The following CDH8 variants were observed in gnomAD, a reference collection of about 807,000 sequenced individuals.
The protein encoded by CDH8 is cadherin-8.
In CDH8, 17 loss-of-function variants were observed where a neutral mutation model predicts 68.1. That is an observed-to-expected ratio of 0.25 (90% confidence interval 0.17 to 0.37). CDH8 has a LOEUF of 0.37. Among genes scored for constraint, CDH8 ranks in the 10% least tolerant of loss-of-function variants. The pLI, the probability that CDH8 is intolerant of heterozygous loss-of-function variation, is 1.00. For missense variants in CDH8, 763 were observed against 999.3 expected, an observed-to-expected ratio of 0.76 and a Z score of 3.19; for synonymous variants, 372 against 365.1, an observed-to-expected ratio of 1.02 and a Z score of -0.21.
At chr16:61,823,250 T>C (rs536642714) in intron 5 of CDH8, among the ~76,000 whole-genome samples, 1 of 151,974 alleles carries the variant, frequency 6.6e-6, no homozygotes, top group African/African-American at 2.4e-5. Flanking sequence ...AAATGTGTCA[T>C]TTTCAAGCTC....
At chr16:62,033,587 T>C (rs1227812913) in intron 1 of CDH8, among the ~76,000 whole-genome samples, 1 of 152,224 alleles carries the variant, frequency 6.6e-6, no homozygotes, top group Non-Finnish European at 1.5e-5. Context: ...TAATTAGTAA[T>C]GTAAGAACCA....
In CDH8 at chr16:62,021,173, A is replaced by T; in HGVS notation, c.231T>A (p.Pro77=). 1 of 1,613,986 alleles carries T rather than the reference A, an allele frequency of 6.2e-7. No homozygotes were observed. Among genetic ancestry groups the T allele is most frequent in the Non-Finnish European group, 8.5e-7 (1 of 1,179,906 alleles). ...QMFVLEEFSG[P]EPILVGRLHT... Reference sequence around the variant, plus strand: ...TTACCCGGCCAACAAGAATCGGTTCAGGTCCAGAAAACTCTTCCAGGACAA... The same window carrying T: ...TTACCCGGCCAACAAGAATCGGTTCTGGTCCAGAAAACTCTTCCAGGACAA... Residue 77 remains proline (P), a synonymous_variant, in exon 2 of 12, where the codon CCT becomes CCA. Transcript: ENST00000577390.
intron 2 of CDH8, among the ~76,000 whole-genome samples, chr16:61,945,175 T>C (rs1371723374): frequency 6.6e-6 from 1 of 152,146 alleles, no homozygotes; most frequent in African/African-American, 2.4e-5. Flanking sequence ...TTCTTAAACT[T>C]TTGGAGACTT....
At chr16:61,696,785 T>C (rs775651537) in intron 10 of CDH8, among the ~76,000 whole-genome samples, 2 of 152,196 alleles carry the variant, frequency 1.3e-5, no homozygotes, top group Non-Finnish European at 2.9e-5. Flanking sequence ...TCATGTCCTT[T>C]GCAGAAACGT....
chr16:61,767,208 T>C (rs1057215316), intron 8 of CDH8, among the ~76,000 whole-genome samples: 2 of 152,022 alleles, frequency 1.3e-5, no homozygotes, highest in Non-Finnish European at 1.5e-5. Flanking sequence ...ATGGTGATTT[T>C]CAGTGTAAGC....
Position 61,653,859 on chromosome 16 carries a change from T to C in CDH8, c.2149A>G (p.Asn717Asp), listed in dbSNP as rs113980541. Residue 717 changes from asparagine (N) to aspartate (D), a missense_variant, in exon 12 of 12, where the codon AAT (asparagine) becomes GAT (aspartate). This residue lies in a region of CDH8 where 397 missense variants were observed against 436.2 expected (regional missense o/e 0.91). Coordinates refer to ENST00000577390, the MANE Select transcript of CDH8 (RefSeq NM_001796.5). ...MPRQGLAPVP[N>D]GVDVDEFINV... ...ATAAATTCATCGACATCAACACCAT[T>C]TGGAACTGGAGCAAGCCCTTGCCTT... The C allele has an allele frequency of 1.9e-6, 3 of 1,614,214 alleles. No homozygotes were observed. Among genetic ancestry groups the C allele is most frequent in the Non-Finnish European group, 1.7e-6 (2 of 1,180,046 alleles).
chr16:61,787,806 T>C (rs1369996882), intron 8 of CDH8, among the ~76,000 whole-genome samples: 6 of 150,606 alleles, frequency 4.0e-5, no homozygotes, highest in African/African-American at 1.5e-4. Context: ...ATGGATGAAA[T>C]TGGAAATCAT....
chr16:61,776,216 C>T (rs895519301), intron 8 of CDH8, among the ~76,000 whole-genome samples: 1 of 152,104 alleles, frequency 6.6e-6, no homozygotes, highest in Non-Finnish European at 1.5e-5. Flanking sequence ...TGTGTTATCT[C>T]ATTTAACTCC....
chr16:61,768,427 TCC>T (rs1491482455), intron 8 of CDH8, among the ~76,000 whole-genome samples: 98 of 131,536 alleles, frequency 7.5e-4, no homozygotes, highest in African/African-American at 1.8e-3. Flanking sequence ...TCTCTCTCTC[TCC>T]CTCTCCCTCT....
At chr16:61,890,029 G>C (rs1486405642) in intron 3 of CDH8, among the ~76,000 whole-genome samples, 1 of 152,162 alleles carries the variant, frequency 6.6e-6, no homozygotes, top group Non-Finnish European at 1.5e-5. Context: ...GAAAGTGGTT[G>C]ATGTCTTATT....
chr16:61,898,905 A>T (rs115503239), intron 3 of CDH8, among the ~76,000 whole-genome samples: 3,000 of 111,400 alleles, frequency 0.027, 96 homozygotes, highest in African/African-American at 0.14. Context: ...GAAAGTAATT[A>T]GTTTGATTTT....
intron 2 of CDH8, among the ~76,000 whole-genome samples, chr16:61,953,297 A>G (rs74648791): frequency 0.012 from 1,824 of 152,328 alleles, 35 homozygotes; most frequent in African/African-American, 0.042. Context: ...TTAAGAATGT[A>G]TAATTTTCAT....
intron 10 of CDH8, among the ~76,000 whole-genome samples, chr16:61,658,910 T>C (rs1402088511): frequency 6.6e-6 from 1 of 152,194 alleles, no homozygotes; most frequent in African/African-American, 2.4e-5. Context: ...TTTTAGCTTA[T>C]AAAAATGTCC....
intron 2 of CDH8, among the ~76,000 whole-genome samples, chr16:62,001,861 G>A (rs1965899597): frequency 6.6e-6 from 1 of 152,120 alleles, no homozygotes; most frequent in African/African-American, 2.4e-5. Context: ...TTCTTTTCCA[G>A]GAGTAATGTG....
chr16:61,670,361 TA>T (rs1227235969), intron 10 of CDH8, among the ~76,000 whole-genome samples: 1 of 151,990 alleles, frequency 6.6e-6, no homozygotes, highest in Non-Finnish European at 1.5e-5. Context: ...TATTGTTGAA[TA>T]AATACATAAT....
At chr16:61,981,351 T>C (rs1300080519) in intron 2 of CDH8, among the ~76,000 whole-genome samples, 1 of 152,204 alleles carries the variant, frequency 6.6e-6, no homozygotes, top group Non-Finnish European at 1.5e-5. Flanking sequence ...CACCATAAAA[T>C]GTACACAGTC....
intron 5 of CDH8, among the ~76,000 whole-genome samples, chr16:61,823,979 T>G (rs990495355): frequency 6.6e-6 from 1 of 151,912 alleles, no homozygotes; most frequent in African/African-American, 2.4e-5. Context: ...CACTTTCATG[T>G]TCATTCCAGG....
chr16:61,899,109 C>T (rs981736776), intron 3 of CDH8, among the ~76,000 whole-genome samples: 1 of 152,110 alleles, frequency 6.6e-6, no homozygotes, highest in African/African-American at 2.4e-5. Context: ...GGTATTTATC[C>T]TAACGCTATC....
chr16:61,819,523 T>C (rs1421065612), intron 6 of CDH8, among the ~76,000 whole-genome samples: 3 of 152,096 alleles, frequency 2.0e-5, no homozygotes, highest in East Asian at 1.9e-4. Flanking sequence ...TGTTTTGTAG[T>C]TCTTAATGCT....
Sources: gnomAD v4.1 joint callset for allele counts (sites outside exome capture counted in the v4.1 genomes callset) on GRCh38, gnomAD v4.1.1 for gene constraint, gnomAD v4.1.1 regional missense constraint, MANE v1.5 for transcripts, NCBI Gene and HGNC (gene_info 2026-07-23, HGNC 2026-07-21) for gene names.